The following RBM6 variants were observed in gnomAD, a reference collection of about 807,000 sequenced individuals.
RBM6 encodes RNA binding motif protein 6, also known as RNA-binding protein 6.
A neutral mutation model predicts 140.4 loss-of-function variants in RBM6; 23 were observed. That is an observed-to-expected ratio of 0.16 (90% CI 0.12 to 0.23). The LOEUF (loss-of-function observed/expected upper bound fraction) is 0.23, where lower values mean the gene tolerates loss of function less well. RBM6 is among the 10% of genes least tolerant of loss of function. The probability of loss-of-function intolerance (pLI) is 1.00; values close to 1 mark genes in which losing one functional copy is unlikely to be tolerated. For synonymous variants in RBM6, 439 were observed against 475.6 expected (o/e 0.92, Z 1.00); for missense variants, 1,139 against 1,386.7 (o/e 0.82, Z 2.84).
intron 5 of RBM6, among the ~76,000 whole-genome samples, chr3:49,989,734 G>T (rs970869111): frequency 2.0e-5 from 3 of 151,994 alleles, no homozygotes; most frequent in African/African-American, 7.2e-5. Flanking sequence ...GCTAACAGAC[G>T]TTATTTTATT....
chr3:49,984,373 G>A (rs1445641346), intron 5 of RBM6, among the ~76,000 whole-genome samples: 1 of 152,140 alleles, frequency 6.6e-6, no homozygotes, highest in South Asian at 2.1e-4. Flanking sequence ...TTGGGAGGCC[G>A]AGATGGGTGG....
At chr3:49,987,844 G>A (rs2085636136) in intron 5 of RBM6, among the ~76,000 whole-genome samples, 1 of 152,018 alleles carries the variant, frequency 6.6e-6, no homozygotes, top group African/African-American at 2.4e-5. Context: ...TTGCCGTGTA[G>A]GCCAGGCTGG....
At chr3:49,972,587 C>A (rs1195948112) in intron 4 of RBM6, among the ~76,000 whole-genome samples, 1 of 152,156 alleles carries the variant, frequency 6.6e-6, no homozygotes. Flanking sequence ...TGGCAGTGCT[C>A]GCTCTGTGCC....
intron 5 of RBM6, among the ~76,000 whole-genome samples, chr3:49,982,679 A>G (rs1423095246): frequency 1.3e-5 from 2 of 151,166 alleles, no homozygotes; most frequent in East Asian, 1.9e-4. Flanking sequence ...CGGCCTCCCA[A>G]AGTGCTGGGA....
At chr3:49,971,970 T>A in intron 3 of RBM6, 89 bp from the exon 4 acceptor site, 1 of 963,468 alleles carries the variant, frequency 1.0e-6, no homozygotes, top group Non-Finnish European at 1.6e-6. Flanking sequence ...TCATTATCAT[T>A]TTTGATCCTG....
At chr3:50,044,624 A>G (rs1325067592) in intron 6 of RBM6, among the ~76,000 whole-genome samples, 3 of 152,116 alleles carry the variant, frequency 2.0e-5, no homozygotes, top group Non-Finnish European at 4.4e-5. Context: ...AGGTGATTGC[A>G]TCATCCTACC....
At chr3:50,018,687 G>A (rs2087315153) in intron 6 of RBM6, among the ~76,000 whole-genome samples, 1 of 140,596 alleles carries the variant, frequency 7.1e-6, no homozygotes, top group Non-Finnish European at 1.5e-5. Context: ...TGCCTCCCAG[G>A]TTCAAGTGAT....
At chr3:49,945,807 G>A (rs936377072) in intron 1 of RBM6, among the ~76,000 whole-genome samples, 11 of 150,390 alleles carry the variant, frequency 7.3e-5, no homozygotes, top group Non-Finnish European at 1.3e-4. Context: ...GCGTGAACCC[G>A]GGAGGCACAG....
At chr3:50,008,438 CTTGAT>C (rs1443429559) in intron 6 of RBM6, among the ~76,000 whole-genome samples, 1 of 150,130 alleles carries the variant, frequency 6.7e-6, no homozygotes, top group Non-Finnish European at 1.5e-5. Flanking sequence ...AGTTAGCCAT[CTTGAT>C]TATAACTTTG....
chr3:49,969,980 G>A lies in RBM6; in HGVS notation c.1323+1232G>A, dbSNP rs912111711. On this transcript the variant is annotated intron_variant, in intron 3 of 20. Coordinates refer to ENST00000266022, the MANE Select transcript of RBM6 (RefSeq NM_005777.3). ...TTTTGAGATGGAGCCTCACCGTGTT[G>A]CCTAGGCTGGAGTGCAGTGGCACGA... Among the ~76,000 whole-genome samples the A allele has an allele frequency of 1.5e-4, 23 of 151,208 alleles. 1 individual carries two copies. Among genetic ancestry groups the A allele is most frequent in the African/African-American group, 4.9e-4 (20 of 41,164 alleles).
intron 5 of RBM6, among the ~76,000 whole-genome samples, chr3:49,990,237 T>C (rs536773861): frequency 1.3e-5 from 2 of 152,332 alleles, no homozygotes; most frequent in African/African-American, 2.4e-5. Context: ...CTAGATGTTA[T>C]AGCCTACTAT....
In RBM6 at chr3:49,990,920, A is replaced by G. The variant is rs1049666676; in HGVS notation, c.1484-8520A>G. Among the ~76,000 whole-genome samples the G allele has an allele frequency of 3.3e-5, 5 of 152,180 alleles. No homozygotes were observed. In the East Asian group the frequency reaches 9.6e-4, roughly 29 times the overall value. On this transcript the variant is annotated intron_variant, in intron 5 of 20. Coordinates refer to ENST00000266022, the MANE Select transcript of RBM6 (RefSeq NM_005777.3). The stretch of plus-strand genomic sequence containing the variant: ...CCCCTCTTGATACCAGGTAATTCTG[A>G]TACCGACTACCAGAAGTTAGCTTCA...
At chr3:49,984,644 TCGCA>T (rs1559552952) in intron 5 of RBM6, among the ~76,000 whole-genome samples, 1 of 118,304 alleles carries the variant, frequency 8.5e-6, no homozygotes, top group African/African-American at 2.7e-5. Flanking sequence ...TCGCATCGCA[TCGCA>T]TCGCATCGCA....
intron 6 of RBM6, among the ~76,000 whole-genome samples, chr3:50,001,765 A>AT (rs1418215577): frequency 1.3e-5 from 2 of 152,182 alleles, no homozygotes; most frequent in Non-Finnish European, 2.9e-5. Flanking sequence ...AGTCTGTCCA[A>AT]TTTTGAGAAC....
intron 6 of RBM6, among the ~76,000 whole-genome samples, chr3:50,028,565 TG>T (rs2087969511): frequency 1.3e-5 from 2 of 152,142 alleles, no homozygotes; most frequent in African/African-American, 4.8e-5. Flanking sequence ...TAGACATGCT[TG>T]GGTAGTTCAG....
chr3:50,026,178 G>C (rs983910660), intron 6 of RBM6, among the ~76,000 whole-genome samples: 1 of 151,388 alleles, frequency 6.6e-6, no homozygotes, highest in African/African-American at 2.4e-5. Flanking sequence ...TCCGCCTCCC[G>C]GGTTCAAGCG....
At chr3:50,032,864 A>G (rs1447036473) in intron 6 of RBM6, among the ~76,000 whole-genome samples, 1 of 151,774 alleles carries the variant, frequency 6.6e-6, no homozygotes, top group Non-Finnish European at 1.5e-5. Flanking sequence ...GCATGCCTGT[A>G]ATTCCAGCTA....
chr3:49,972,694 T>C (rs531986388), intron 4 of RBM6, among the ~76,000 whole-genome samples: 1 of 152,360 alleles, frequency 6.6e-6, no homozygotes, highest in South Asian at 2.1e-4. Context: ...GTAATTGTTC[T>C]AGATACTGAG....
chr3:49,959,275 G>A (rs1431998107), intron 1 of RBM6, among the ~76,000 whole-genome samples: 4 of 142,138 alleles, frequency 2.8e-5, no homozygotes, highest in Admixed American at 7.4e-5. Flanking sequence ...TGCAAGCTCC[G>A]CCTCCTGGGT....
Sources: allele counts gnomAD v4.1 joint callset (sites outside exome capture counted in the v4.1 genomes callset), GRCh38; gene constraint gnomAD v4.1.1; transcripts MANE v1.5; gene names NCBI Gene and HGNC (gene_info 2026-07-23, HGNC 2026-07-21).